Variants in DEPTOR observed in about 807,000 individuals in gnomAD.
The protein encoded by DEPTOR is DEP domain-containing mTOR-interacting protein.
A neutral mutation model predicts 41.6 loss-of-function variants in DEPTOR; 41 were observed. That is an observed-to-expected ratio of 0.98 (90% CI 0.77 to 1.28). The LOEUF (loss-of-function observed/expected upper bound fraction) is 1.28, where lower values mean the gene tolerates loss of function less well. DEPTOR is among the 50% of genes most tolerant of loss of function. The probability of loss-of-function intolerance (pLI) is 0.00; values close to 1 mark genes in which losing one functional copy is unlikely to be tolerated. For missense variants in DEPTOR, 514 were observed against 527.9 expected (o/e 0.97, Z 0.26); for synonymous variants, 195 against 192.3 (o/e 1.01, Z -0.12).
chr8:120,032,448 T>C (rs1198638382), intron 8 of DEPTOR, among the ~76,000 whole-genome samples: 1 of 152,170 alleles, frequency 6.6e-6, no homozygotes, highest in South Asian at 2.1e-4. Flanking sequence ...CTCAAACTCC[T>C]GACCTCAAAT....
chr8:120,036,121 T>C, intron 8 of DEPTOR, among the ~76,000 whole-genome samples: 1 of 152,206 alleles, frequency 6.6e-6, no homozygotes. Flanking sequence ...CACCCTGTGA[T>C]TGACCCATTT....
At chr8:119,908,767 A>G (rs1827701412) in intron 1 of DEPTOR, among the ~76,000 whole-genome samples, 1 of 152,208 alleles carries the variant, frequency 6.6e-6, no homozygotes, top group African/African-American at 2.4e-5. Context: ...GTTGCTATTG[A>G]ATCAAGCTGT....
At chr8:119,962,301 A>G (rs1281071554) in intron 3 of DEPTOR, among the ~76,000 whole-genome samples, 1 of 152,102 alleles carries the variant, frequency 6.6e-6, no homozygotes, top group Admixed American at 6.6e-5. Flanking sequence ...TTTTATGGAC[A>G]AACATGGACT....
chr8:119,880,760 G>A (rs1827288290), intron 1 of DEPTOR, among the ~76,000 whole-genome samples: 1 of 152,164 alleles, frequency 6.6e-6, no homozygotes, highest in Non-Finnish European at 1.5e-5. Flanking sequence ...CACTGATTCA[G>A]AATTTGTAAC....
At chr8:120,006,595 T>G (rs1014026358) in intron 6 of DEPTOR, among the ~76,000 whole-genome samples, 7 of 152,106 alleles carry the variant, frequency 4.6e-5, no homozygotes, top group African/African-American at 1.7e-4. Context: ...TCTCTTTCTT[T>G]TTTTCCTTAG....
intron 8 of DEPTOR, among the ~76,000 whole-genome samples, chr8:120,028,988 G>A (rs147891548): frequency 8.6e-5 from 13 of 151,512 alleles, no homozygotes; most frequent in Non-Finnish European, 1.6e-4. Flanking sequence ...TAGGAAAATC[G>A]CTTGAACCTG....
At chr8:119,895,200 C>T (rs1227376162) in intron 1 of DEPTOR, among the ~76,000 whole-genome samples, 1 of 152,198 alleles carries the variant, frequency 6.6e-6, no homozygotes, top group Non-Finnish European at 1.5e-5. Context: ...ACTGTAATTG[C>T]TGGACTCATT....
intron 1 of DEPTOR, among the ~76,000 whole-genome samples, chr8:119,916,296 T>TAGAAA: frequency 6.7e-6 from 1 of 149,130 alleles, no homozygotes; most frequent in East Asian, 1.9e-4. Context: ...TTTTTTTTTT[T>TAGAAA]TTTTTTAGAA....
At chr8:119,978,864 C>T (rs1437975408) in intron 4 of DEPTOR, among the ~76,000 whole-genome samples, 1 of 151,942 alleles carries the variant, frequency 6.6e-6, no homozygotes. Flanking sequence ...TAGCTGATAA[C>T]TCTCATCTCA....
intron 7 of DEPTOR, among the ~76,000 whole-genome samples, chr8:120,007,356 A>G (rs1379206040): frequency 6.6e-6 from 1 of 152,146 alleles, no homozygotes; most frequent in African/African-American, 2.4e-5. Flanking sequence ...GAGAAAGGAA[A>G]CTGTGGGATA....
intron 2 of DEPTOR, 144 bp from the exon 3 acceptor site, chr8:119,929,671 A>G (rs1339038301): frequency 2.8e-6 from 3 of 1,089,088 alleles, no homozygotes; most frequent in Non-Finnish European, 3.8e-6. Flanking sequence ...ACTATTTTAC[A>G]AGTATTAGCT....
At chr8:119,911,608 G>A (rs62528670) in intron 1 of DEPTOR, among the ~76,000 whole-genome samples, 108,755 of 151,582 alleles carry the variant, frequency 0.72, 39,440 homozygotes, top group East Asian at 0.95. Context: ...CTGAGCCACC[G>A]TGCCTGGCCC....
In DEPTOR at chr8:119,929,833, A is replaced by G. The variant is rs1411884665; in HGVS notation, c.320A>G (p.Glu107Gly). The change falls in exon 3 of 9, where the codon GAA becomes GGA. Residue 107 changes from glutamate to glycine, a missense_variant. Glu to Gly is a moderately conservative substitution (Grantham distance 98). Transcript: ENST00000286234. ...IIHHVCDEHKEFKDVKLFYRF... is the reference protein window; with the variant it reads ...IIHHVCDEHKGFKDVKLFYRF... ...GTTTCAGTGTGTGATGAGCATAAGG[A>G]ATTCAAGGATGTCAAACTCTTCTAC... 6.2e-7 allele frequency: 1 copy of G among 1,613,236 alleles called. No homozygotes were observed.
At chr8:119,943,962 C>G (rs559721794) in intron 3 of DEPTOR, among the ~76,000 whole-genome samples, 1 of 151,978 alleles carries the variant, frequency 6.6e-6, no homozygotes, top group Non-Finnish European at 1.5e-5. Flanking sequence ...CTCAGCCTCC[C>G]GAGTAGCTGG....
intron 4 of DEPTOR, among the ~76,000 whole-genome samples, chr8:119,966,329 TGTG>T (rs1828561084): frequency 6.6e-6 from 1 of 152,100 alleles, no homozygotes; most frequent in Non-Finnish European, 1.5e-5. Context: ...AGCTGGGTGT[TGTG>T]GTGCACGTCT....
chr8:119,955,685 C>T (rs561826095), intron 3 of DEPTOR, among the ~76,000 whole-genome samples: 8 of 151,966 alleles, frequency 5.3e-5, no homozygotes, highest in East Asian at 3.9e-4. Context: ...AGGTTGGTCT[C>T]GAACTCTTGA....
chr8:120,010,780 A>G (rs1413327674), intron 8 of DEPTOR, among the ~76,000 whole-genome samples: 2 of 152,206 alleles, frequency 1.3e-5, no homozygotes, highest in Non-Finnish European at 2.9e-5. Flanking sequence ...TGTAATTGGC[A>G]TCCTATAAAA....
At chr8:119,992,992 CA>C (rs1207239651) in intron 4 of DEPTOR, among the ~76,000 whole-genome samples, 1 of 152,054 alleles carries the variant, frequency 6.6e-6, no homozygotes, top group Non-Finnish European at 1.5e-5. Context: ...CTGTAGAATT[CA>C]AGATGATACA....
intron 2 of DEPTOR, among the ~76,000 whole-genome samples, chr8:119,929,313 C>T (rs1828010142): frequency 2.0e-5 from 3 of 152,162 alleles, no homozygotes; most frequent in Admixed American, 2.0e-4. Context: ...TACATGAAAA[C>T]TCTTCAGGGA....
Sources: gnomAD v4.1 joint callset for allele counts (sites outside exome capture counted in the v4.1 genomes callset) on GRCh38, gnomAD v4.1.1 for gene constraint, MANE v1.5 for transcripts, NCBI Gene and HGNC (gene_info 2026-07-23, HGNC 2026-07-21) for gene names.